The following AFF4 variants were observed in gnomAD, a reference collection of about 807,000 sequenced individuals.
The protein encoded by AFF4 is ALF transcription elongation factor 4.
AFF4 carries 13 observed loss-of-function variants against 124.8 expected under a neutral mutation model. The observed-to-expected ratio is 0.10, with a 90% CI of 0.07 to 0.17. The LOEUF (loss-of-function observed/expected upper bound fraction) is 0.17. AFF4 is among the 10% of genes least tolerant of loss of function. The probability of loss-of-function intolerance (pLI) is 1.00; values close to 1 mark genes in which losing one functional copy is unlikely to be tolerated. For synonymous variants in AFF4, 477 were observed against 496.1 expected, an observed-to-expected ratio of 0.96 and a Z score of 0.51; for missense variants, 1,092 against 1,403.8, an observed-to-expected ratio of 0.78 and a Z score of 3.55.
intron 13 of AFF4, among the ~76,000 whole-genome samples, chr5:132,890,156 A>T (rs775132485): frequency 6.7e-4 from 101 of 151,226 alleles, no homozygotes; most frequent in Middle Eastern, 6.9e-3. Flanking sequence ...CCCATATAAA[A>T]TTTTTTATAT....
chr5:132,940,697 T>A (rs905363405), intron 1 of AFF4, among the ~76,000 whole-genome samples: 4 of 152,112 alleles, frequency 2.6e-5, no homozygotes, highest in African/African-American at 7.2e-5. Flanking sequence ...TGAACACTTA[T>A]AAGGCTACCA....
At chr5:132,954,022 CTT>C (rs1014855541) in intron 1 of AFF4, among the ~76,000 whole-genome samples, 12 of 152,294 alleles carry the variant, frequency 7.9e-5, no homozygotes, top group South Asian at 6.2e-4. Flanking sequence ...TGATCTGACT[CTT>C]GTCTCCTCAT....
Position 132,942,909 on chromosome 5 carries a change from T to A in AFF4, c.-4-5716A>T, listed in dbSNP as rs566729798. 5 of 210,702 alleles carry A rather than the reference T, an allele frequency of 2.4e-5. No individual in the cohort carries two copies. The South Asian group carries it at 4.5e-4, about 19-fold the overall frequency. 13.1% of individuals were successfully genotyped at this position (210,702 alleles called of 1,614,324 possible). On this transcript the variant is annotated intron_variant, in intron 1 of 20. Transcript: ENST00000265343. ...GAGTTCAAGACCACCTTGGGCCACATGATGAGACCCAGTCTCTACAAGGCT... is the reference window on the plus strand; with the variant it reads ...GAGTTCAAGACCACCTTGGGCCACAAGATGAGACCCAGTCTCTACAAGGCT...
chr5:132,887,604 C>T lies in AFF4; in HGVS notation c.2934-12G>A, dbSNP rs1581269971. On this transcript the variant is annotated splice_polypyrimidine_tract_variant and intron_variant, in intron 16 of 20. Transcript: ENST00000265343. Reference sequence around the variant, plus strand: ...GCTTCATAGTGTATCTGTTGAGTTACAATAACAAACAAATGACAAACAGAA... The same window carrying T: ...GCTTCATAGTGTATCTGTTGAGTTATAATAACAAACAAATGACAAACAGAA... 1 of 1,602,866 alleles carries T rather than the reference C, an allele frequency of 6.2e-7. No homozygotes were observed. The highest frequency in any genetic ancestry group is 8.5e-7 in the Non-Finnish European group (1 of 1,170,174).
intron 1 of AFF4, among the ~76,000 whole-genome samples, chr5:132,958,104 T>A (rs757631645): frequency 1.3e-5 from 2 of 152,120 alleles, no homozygotes; most frequent in Non-Finnish European, 2.9e-5. Context: ...TGTATAATAT[T>A]GGGATTGTTT....
chr5:132,899,117 T>C lies in AFF4; in HGVS notation c.1213A>G (p.Ser405Gly), dbSNP rs1487706609. Reference protein sequence around the residue: ...EQDCDKTMPRSTPGSNSEPSH... With the variant: ...EQDCDKTMPRGTPGSNSEPSH... The stretch of plus-strand genomic sequence containing the variant: ...AAGGATGCCCACCTTCCTGGTGTAC[T>C]CCTCGGCATTGTCTTATCACAATCC... The change falls in exon 9 of 21, where the codon AGT (serine) becomes GGT (glycine). Residue 405 changes from serine (S) to glycine (G), a missense_variant. Transcript: ENST00000265343. 6.2e-7 allele frequency: 1 copy of C among 1,613,368 alleles called. No homozygotes were observed. The highest frequency in any genetic ancestry group is 8.5e-7 in the Non-Finnish European group (1 of 1,179,580).
At position 132,896,362 on chromosome 5, in the gene AFF4, G is replaced by C. The variant is rs1760395850; in HGVS notation, c.2268C>G (p.Ala756=). Residue 756 remains alanine, a synonymous_variant, in exon 11 of 21, where the codon GCC becomes GCG. Transcript: ENST00000265343. ...TGCCTTTGTTGGAAACTTTTTCTGA[G>C]GCTTGTTTCTGAGCCTCTCTCGTGT... The part of the protein sequence containing the change: ...EKHTREAQKQ[A]SEKVSNKGKR... The C allele has an allele frequency of 6.2e-7, 1 of 1,600,336 alleles. No individual in the cohort carries two copies. Among genetic ancestry groups the C allele is most frequent in the Non-Finnish European group, 8.5e-7 (1 of 1,176,688 alleles).
In AFF4 at chr5:132,878,257, T is replaced by C. The variant is rs957599154; in HGVS notation, c.*2802A>G. ...ACTGTGACAACTGCAACCACTGCAA[T>C]TGGTTCGTTGGTTGCTTGTAAAGAG... On this transcript the variant is annotated 3_prime_UTR_variant, in exon 21 of 21. Coordinates refer to ENST00000265343, the MANE Select transcript of AFF4 (RefSeq NM_014423.4). 2.6e-5 allele frequency: 6 copies of C among 228,106 alleles called. No individual in the cohort carries two copies. Among genetic ancestry groups the C allele is most frequent in the Non-Finnish European group, 4.4e-5 (5 of 114,858 alleles). 14.1% of individuals were successfully genotyped at this position (228,106 alleles called of 1,614,324 possible). A position where few individuals can be genotyped will look rare whatever the true frequency, so the allele number is the denominator to read the frequency against.
At chr5:132,892,940 G>C in intron 12 of AFF4, 90 bp downstream of exon 12, 1 of 1,235,016 alleles carries the variant, frequency 8.1e-7, no homozygotes, top group Admixed American at 1.8e-5. Context: ...CTTACTAAAA[G>C]GAACACTCAG....
intron 5 of AFF4, among the ~76,000 whole-genome samples, chr5:132,907,624 ATGTG>A (rs143864697): frequency 6.6e-6 from 1 of 151,446 alleles, no homozygotes; most frequent in Admixed American, 6.6e-5. Flanking sequence ...ATGTGTGCAT[ATGTG>A]TGTGTGTGTG....
intron 4 of AFF4, chr5:132,927,447 T>C (rs923263621): frequency 3.0e-5 from 12 of 395,376 alleles, no homozygotes; most frequent in East Asian, 2.7e-4. Context: ...AACCTGTGAA[T>C]AGTTACAGAA....
chr5:132,898,931 G>A (rs986472977), intron 9 of AFF4, among the ~76,000 whole-genome samples, 173 bp downstream of exon 9: 1 of 152,136 alleles, frequency 6.6e-6, no homozygotes, highest in Non-Finnish European at 1.5e-5. Flanking sequence ...ACAGTTTGAG[G>A]TATAATACAC....
chr5:132,889,207 C>T (rs764860171), intron 13 of AFF4, 34 bp from the exon 14 acceptor site: 45 of 1,458,342 alleles, frequency 3.1e-5, no homozygotes, highest in Admixed American at 7.4e-5. Context: ...CAATGAAAAC[C>T]GTAAGGAGAT....
At chr5:132,937,296 T>C (rs1761454788) in intron 1 of AFF4, 103 bp from the exon 2 acceptor site, 2 of 1,373,214 alleles carry the variant, frequency 1.5e-6, no homozygotes, top group South Asian at 1.6e-5. Context: ...GATTCCCTTT[T>C]GACCTCCAAG....
rs183117669 is a variant in AFF4, at chr5:132,875,602, A to G, written c.*5457T>C. 5.2e-4 allele frequency: 102 copies of G among 194,350 alleles called. No individual in the cohort carries two copies. The highest frequency in any genetic ancestry group is 2.2e-3 in the African/African-American group (96 of 43,218). 12.0% of individuals were successfully genotyped at this position (194,350 alleles called of 1,614,324 possible). A position where few individuals can be genotyped will look rare whatever the true frequency, so the allele number is the denominator to read the frequency against. Reference sequence around the variant, plus strand: ...ATGTTTGACACTCTAAACTTTCTATACTCTCAATACCACAAAATACATATA... The same window carrying G: ...ATGTTTGACACTCTAAACTTTCTATGCTCTCAATACCACAAAATACATATA... On this transcript the variant is annotated 3_prime_UTR_variant, in exon 21 of 21. Coordinates refer to ENST00000265343, the MANE Select transcript of AFF4 (RefSeq NM_014423.4).
At chr5:132,963,111 G>A (rs536576364) in intron 1 of AFF4, 148 bp downstream of exon 1, 2 of 331,382 alleles carry the variant, frequency 6.0e-6, no homozygotes, top group South Asian at 1.5e-4. Flanking sequence ...GCAGATGAGA[G>A]GAGGGGTGAC....
chr5:132,960,343 A>AT (rs1243128414), intron 1 of AFF4, among the ~76,000 whole-genome samples: 2 of 152,186 alleles, frequency 1.3e-5, no homozygotes, highest in East Asian at 1.9e-4. Context: ...TAAGTCATCA[A>AT]TTTTTTATAG....
rs1338705961 is a variant in AFF4 at position 132,877,226 on chromosome 5, T to C, written c.*3833A>G. On this transcript the variant is annotated 3_prime_UTR_variant, in exon 21 of 21. Coordinates refer to ENST00000265343, the MANE Select transcript of AFF4 (RefSeq NM_014423.4). Reference sequence around the variant, plus strand: ...ACAAACTCCTATAAATCAAAATATATAATGAGGCCATACTGTTCAATTAGC... The same window carrying C: ...ACAAACTCCTATAAATCAAAATATACAATGAGGCCATACTGTTCAATTAGC... 4.8e-6 allele frequency: 1 copy of C among 208,192 alleles called. No homozygotes were observed. The highest frequency in any genetic ancestry group is 2.3e-5 in the African/African-American group (1 of 43,928). The allele number at this position is 208,192 out of a possible 1,614,324, so 12.9% of individuals were successfully genotyped here. A position where few individuals can be genotyped will look rare whatever the true frequency, so the allele number is the denominator to read the frequency against.
At chr5:132,886,571 C>T (rs1451603714) in intron 17 of AFF4, among the ~76,000 whole-genome samples, 168 bp from the exon 18 acceptor site, 2 of 152,162 alleles carry the variant, frequency 1.3e-5, no homozygotes, top group Non-Finnish European at 2.9e-5. Context: ...TGGTACACAT[C>T]CTAGGGAGGG....
Sources: gnomAD v4.1 joint callset for allele counts (sites outside exome capture counted in the v4.1 genomes callset) on GRCh38, gnomAD v4.1.1 for gene constraint, MANE v1.5 for transcripts, NCBI Gene and HGNC (gene_info 2026-07-23, HGNC 2026-07-21) for gene names.